The following C9 variants were observed in gnomAD, a reference collection of about 807,000 sequenced individuals.
C9 encodes complement C9, also known as complement component C9.
Under a neutral mutation model 65.4 loss-of-function variants are expected in C9, and 63 were observed. That is an observed-to-expected ratio of 0.96 (90% CI 0.79 to 1.19). The LOEUF (loss-of-function observed/expected upper bound fraction) is 1.19. Ranked by LOEUF, C9 falls within the 50% of genes most tolerant of loss-of-function variation. C9 has a pLI of 0.00. For missense variants in C9, 744 were observed against 670.1 expected, an observed-to-expected ratio of 1.11 and a Z score of -1.22; for synonymous variants, 229 against 227.9, an observed-to-expected ratio of 1.00 and a Z score of -0.04.
intron 1 of C9, among the ~76,000 whole-genome samples, chr5:39,361,092 C>T (rs2111992916): frequency 6.6e-6 from 1 of 150,954 alleles, no homozygotes; most frequent in East Asian, 1.9e-4. Flanking sequence ...GAAAGTTATC[C>T]AGGACATGCC....
At chr5:39,364,183 T>A (rs1030344552) in intron 1 of C9, among the ~76,000 whole-genome samples, 2 of 152,126 alleles carry the variant, frequency 1.3e-5, no homozygotes, top group African/African-American at 2.4e-5. Context: ...TGAAAATAAA[T>A]CCCCAGAAAC....
intron 9 of C9, among the ~76,000 whole-genome samples, chr5:39,297,312 G>A (rs1357589387): frequency 1.3e-5 from 2 of 151,282 alleles, no homozygotes; most frequent in Non-Finnish European, 3.0e-5. Flanking sequence ...AGAAATGTCG[G>A]AAATGAGCAA....
chr5:39,296,405 A>T (rs1753187015), intron 9 of C9, among the ~76,000 whole-genome samples: 1 of 151,644 alleles, frequency 6.6e-6, no homozygotes, highest in Non-Finnish European at 1.5e-5. Flanking sequence ...AAGGCCAAAA[A>T]GTATATTTAA....
At chr5:39,306,246 G>A (rs1007372603) in intron 9 of C9, among the ~76,000 whole-genome samples, 1 of 151,500 alleles carries the variant, frequency 6.6e-6, no homozygotes, top group African/African-American at 2.4e-5. Context: ...GGGAAGGCAA[G>A]AACAGCCAGG....
At chr5:39,359,102 G>A (rs13160213) in intron 1 of C9, among the ~76,000 whole-genome samples, 54,811 of 103,960 alleles carry the variant, frequency 0.53, 13,635 homozygotes, top group Non-Finnish European at 0.56. Context: ...GTGTGTGTGT[G>A]TATATATATA....
intron 1 of C9, among the ~76,000 whole-genome samples, chr5:39,361,322 A>G (rs973502587): frequency 6.6e-6 from 1 of 152,238 alleles, no homozygotes; most frequent in Middle Eastern, 3.2e-3. Flanking sequence ...AACTCTTTAT[A>G]TATACTTTAC....
In C9 at chr5:39,358,708, G is replaced by A. The variant is rs764406206; in HGVS notation, c.77+5680C>T. Among the ~76,000 whole-genome samples the A allele has an allele frequency of 1.0e-3, 156 of 152,156 alleles. 1 individual carries two copies. The highest frequency in any genetic ancestry group is 1.8e-3 in the Non-Finnish European group (119 of 67,998). Reference sequence around the variant, plus strand: ...ATATGTTTAAAGATAGTACCGGGCCGGGCGCGGTGGCTCACGTCTGTAATC... The same window carrying A: ...ATATGTTTAAAGATAGTACCGGGCCAGGCGCGGTGGCTCACGTCTGTAATC... On this transcript the variant is annotated intron_variant, in intron 1 of 10. Transcript: ENST00000263408.
At chr5:39,357,261 A>G (rs1181876246) in intron 1 of C9, among the ~76,000 whole-genome samples, 1 of 152,218 alleles carries the variant, frequency 6.6e-6, no homozygotes, top group African/African-American at 2.4e-5. Flanking sequence ...GAGGGGAGAA[A>G]TATAAGCCAA....
At chr5:39,287,045 A>T (rs1339168472) in intron 10 of C9, among the ~76,000 whole-genome samples, 3 of 151,976 alleles carry the variant, frequency 2.0e-5, no homozygotes, top group Non-Finnish European at 4.4e-5. Context: ...CTTAATAGCT[A>T]ATCTTGTGAT....
rs181746968 is a variant in C9, at chr5:39,321,543, A to C, written c.616-5514T>G. 1.8e-3 allele frequency among the ~76,000 whole-genome samples: 281 copies of C among 152,078 alleles called. 5 individuals carry two copies. The highest frequency in any genetic ancestry group is 0.017 in the Admixed American group (257 of 15,216). ...GAACATACAAAACAACCAGAAAACAATGAAAAAAATGGCAGTGGTAAGTCC... is the reference window on the plus strand; with the variant it reads ...GAACATACAAAACAACCAGAAAACACTGAAAAAAATGGCAGTGGTAAGTCC... On this transcript the variant is annotated intron_variant, in intron 5 of 10. Transcript: ENST00000263408.
intron 5 of C9, among the ~76,000 whole-genome samples, chr5:39,320,836 G>A (rs1174443686): frequency 1.3e-5 from 2 of 152,102 alleles, no homozygotes; most frequent in Non-Finnish European, 2.9e-5. Context: ...AGATGTTTCA[G>A]CAAAAGCCTT....
chr5:39,287,993 G>C (rs566075584), intron 10 of C9, among the ~76,000 whole-genome samples: 2 of 151,960 alleles, frequency 1.3e-5, no homozygotes, highest in East Asian at 3.9e-4. Context: ...TATTTTTAAT[G>C]TAAAATAATG....
chr5:39,314,947 T>A (rs1482082357), intron 6 of C9, among the ~76,000 whole-genome samples: 1 of 152,220 alleles, frequency 6.6e-6, no homozygotes, highest in Non-Finnish European at 1.5e-5. Context: ...CAAATTTTCA[T>A]CAGCTTGGTT....
chr5:39,342,569 C>G lies in C9; in HGVS notation c.78-373G>C, dbSNP rs138922503. 1.2e-3 allele frequency among the ~76,000 whole-genome samples: 182 copies of G among 152,148 alleles called. 1 individual carries two copies. Among genetic ancestry groups the G allele is most frequent in the African/African-American group, 4.2e-3 (173 of 41,506 alleles). On this transcript the variant is annotated intron_variant, in intron 1 of 10. Coordinates refer to ENST00000263408, the MANE Select transcript of C9 (RefSeq NM_001737.5). ...AATCTGATTTTATTTTTTTGTGTGT[C>G]TTCCTTCCCATCCACCATACCCCAC...
intron 4 of C9, 116 bp downstream of exon 4, chr5:39,341,030 A>T (rs1406649245): frequency 7.2e-6 from 8 of 1,109,214 alleles, no homozygotes; most frequent in Non-Finnish European, 1.1e-5. Context: ...ATACAGACCC[A>T]TCAGCTGTAT....
intron 1 of C9, among the ~76,000 whole-genome samples, chr5:39,344,849 G>A (rs1326727460): frequency 1.3e-5 from 2 of 152,216 alleles, no homozygotes; most frequent in East Asian, 3.8e-4. Flanking sequence ...CAAGCCAGAA[G>A]AGAGTGGGGG....
rs1475868087 is a variant in C9, at chr5:39,364,435, T to C, written c.30A>G (p.Ala10=). The change falls in exon 1 of 11, where the codon GCA becomes GCG. Residue 10 remains alanine, a synonymous_variant. Transcript: ENST00000263408. ...GGATGCTTATTTCTAAAATGCAGAT[T>C]GCAACTGCAAAGCTCCGGCAGGCTG... MSACRSFAV[A]ICILEISILT... The C allele has an allele frequency of 6.2e-7, 1 of 1,609,238 alleles. No individual in the cohort carries two copies. The highest frequency in any genetic ancestry group is 8.5e-7 in the Non-Finnish European group (1 of 1,175,878).
At chr5:39,352,439 G>A (rs527385933) in intron 1 of C9, among the ~76,000 whole-genome samples, 5 of 152,274 alleles carry the variant, frequency 3.3e-5, no homozygotes, top group East Asian at 3.9e-4. Context: ...CCAAATGAGT[G>A]CGTTAATTTT....
At chr5:39,359,458 A>G (rs1462322234) in intron 1 of C9, among the ~76,000 whole-genome samples, 1 of 152,074 alleles carries the variant, frequency 6.6e-6, no homozygotes, top group Non-Finnish European at 1.5e-5. Context: ...GCGTTTCACC[A>G]TAGATATAGA....
Sources: allele counts gnomAD v4.1 joint callset (sites outside exome capture counted in the v4.1 genomes callset), GRCh38; gene constraint gnomAD v4.1.1; transcripts MANE v1.5; gene names NCBI Gene and HGNC (gene_info 2026-07-23, HGNC 2026-07-21).